Variants in GABRA5 observed in about 807,000 individuals in gnomAD.
GABRA5 encodes gamma-aminobutyric acid receptor subunit alpha-5.
A neutral mutation model predicts 47.3 loss-of-function variants in GABRA5; 18 were observed. The ratio of observed to expected loss-of-function variants is 0.38; its 90% CI spans 0.26 to 0.56. The LOEUF is 0.56. Among genes scored for constraint, GABRA5 ranks in the 20% least tolerant of loss-of-function variants. The pLI is 0.71. For synonymous variants in GABRA5, 237 were observed against 229.3 expected, an observed-to-expected ratio of 1.03 and a Z score of -0.30; for missense variants, 365 against 599.3, an observed-to-expected ratio of 0.61 and a Z score of 4.08.
intron 6 of GABRA5, among the ~76,000 whole-genome samples, chr15:26,906,421 G>A (rs1418409355): frequency 4.6e-5 from 7 of 152,134 alleles, no homozygotes; most frequent in Admixed American, 2.6e-4. Flanking sequence ...CTTTCTTCTT[G>A]TGTGGAGTTT....
intron 3 of GABRA5, among the ~76,000 whole-genome samples, chr15:26,874,266 C>G (rs149968053): frequency 6.6e-6 from 1 of 152,122 alleles, no homozygotes; most frequent in East Asian, 1.9e-4. Context: ...GTATCATATA[C>G]ACTCATTTAT....
intron 3 of GABRA5, among the ~76,000 whole-genome samples, chr15:26,875,640 G>A (rs1171155231): frequency 1.3e-5 from 2 of 152,134 alleles, no homozygotes; most frequent in African/African-American, 4.8e-5. Flanking sequence ...TGTGTGGCAG[G>A]TGCATGCTTG....
chr15:26,877,673 G>T (rs550252970), intron 3 of GABRA5: 19 of 455,690 alleles, frequency 4.2e-5, no homozygotes, highest in South Asian at 3.0e-4. Flanking sequence ...CTCCAGAAAT[G>T]ACGCCACAAC....
chr15:26,928,402 T>C (rs1007211054), intron 7 of GABRA5, among the ~76,000 whole-genome samples: 10 of 152,174 alleles, frequency 6.6e-5, no homozygotes, highest in Non-Finnish European at 1.5e-4. Context: ...GTGCGGTGTC[T>C]GAATTTAGAT....
At chr15:26,875,664 AGCGGAGGGGCAGG>A in intron 3 of GABRA5, among the ~76,000 whole-genome samples, 1 of 152,080 alleles carries the variant, frequency 6.6e-6, no homozygotes, top group Non-Finnish European at 1.5e-5. Context: ...TGTTAGGAAC[AGCGGAGGGGCAGG>A]CGTGAGGAAG....
At chr15:26,915,015 A>AACAATACACTCTCCAC in intron 7 of GABRA5, 130 bp downstream of exon 7, 2 of 751,846 alleles carry the variant, frequency 2.7e-6, no homozygotes, top group Non-Finnish European at 4.6e-6. Context: ...AAGCGTGGAG[A>AACAATACACTCTCCAC]GTGTATTGTT....
intron 6 of GABRA5, among the ~76,000 whole-genome samples, chr15:26,885,340 T>TGTGGG (rs1892851688): frequency 6.8e-6 from 1 of 147,410 alleles, no homozygotes; most frequent in African/African-American, 2.5e-5. Flanking sequence ...AGGCAAGAGA[T>TGTGGG]GTGGGGGGCG....
intron 6 of GABRA5, among the ~76,000 whole-genome samples, chr15:26,896,399 T>A (rs28446800): frequency 0.036 from 5,504 of 152,260 alleles, 353 homozygotes; most frequent in African/African-American, 0.13. Context: ...CTCCCATCAT[T>A]TGTCAGGCCA....
intron 7 of GABRA5, among the ~76,000 whole-genome samples, chr15:26,930,513 G>A (rs1398185607): frequency 6.6e-6 from 1 of 152,112 alleles, no homozygotes; most frequent in Non-Finnish European, 1.5e-5. Flanking sequence ...CTTGCCACTT[G>A]GTAACAAGGA....
chr15:26,934,894 C>T (rs188177963), intron 7 of GABRA5, among the ~76,000 whole-genome samples: 12 of 152,304 alleles, frequency 7.9e-5, no homozygotes, highest in South Asian at 2.1e-4. Context: ...TGAAGGAAAA[C>T]GGTGATGAAT....
At chr15:26,924,061 G>A (rs1893900050) in intron 7 of GABRA5, among the ~76,000 whole-genome samples, 1 of 149,756 alleles carries the variant, frequency 6.7e-6, no homozygotes, top group South Asian at 2.1e-4. Flanking sequence ...TGTCATCTCT[G>A]CTTGATTTAT....
chr15:26,924,614 C>G (rs2140302877), intron 7 of GABRA5, among the ~76,000 whole-genome samples: 1 of 152,270 alleles, frequency 6.6e-6, no homozygotes, highest in East Asian at 1.9e-4. Flanking sequence ...GTGGCCTTCT[C>G]TGGTGTCACT....
intron 1 of GABRA5, among the ~76,000 whole-genome samples, chr15:26,868,527 G>A (rs1241416032): frequency 6.6e-6 from 1 of 152,236 alleles, no homozygotes; most frequent in African/African-American, 2.4e-5. Flanking sequence ...ATGTCTGCCT[G>A]GATCTCAAAT....
chr15:26,939,216 C>T (rs915810528), intron 8 of GABRA5: 1 of 764,588 alleles, frequency 1.3e-6, no homozygotes. Flanking sequence ...CTGACCACAG[C>T]TCCCGACCTC....
At chr15:26,924,634 GGT>G (rs1893917135) in intron 7 of GABRA5, among the ~76,000 whole-genome samples, 1 of 152,128 alleles carries the variant, frequency 6.6e-6, no homozygotes, top group Non-Finnish European at 1.5e-5. Context: ...TCCATCAGTG[GGT>G]TGGGCACCTG....
chr15:26,945,888 G>C (rs980905224), intron 10 of GABRA5, among the ~76,000 whole-genome samples: 7 of 138,846 alleles, frequency 5.0e-5, no homozygotes, highest in African/African-American at 1.6e-4. Context: ...ATCTTCTAAA[G>C]GGCTTGCCCT....
chr15:26,872,729 G>A (rs1374902226), intron 3 of GABRA5, among the ~76,000 whole-genome samples: 1 of 152,118 alleles, frequency 6.6e-6, no homozygotes, highest in African/African-American at 2.4e-5. Context: ...TGGGTGAGGA[G>A]GACTATAGAG....
intron 10 of GABRA5, among the ~76,000 whole-genome samples, chr15:26,947,547 T>C (rs1297212274): frequency 1.3e-5 from 2 of 152,228 alleles, no homozygotes; most frequent in African/African-American, 4.8e-5. Context: ...CTTTTTATCA[T>C]TCTTTTTTAT....
At chr15:26,889,477 C>T (rs1443697496) in intron 6 of GABRA5, among the ~76,000 whole-genome samples, 4 of 151,896 alleles carry the variant, frequency 2.6e-5, no homozygotes, top group African/African-American at 9.7e-5. Context: ...AGTAAATACA[C>T]ATATTCCTTA....
Sources: allele counts gnomAD v4.1 joint callset (sites outside exome capture counted in the v4.1 genomes callset), GRCh38; gene constraint gnomAD v4.1.1; transcripts MANE v1.5; gene names NCBI Gene and HGNC (gene_info 2026-07-23, HGNC 2026-07-21).